Variants in LRRN1 observed in about 807,000 individuals in gnomAD.
The protein encoded by LRRN1 is leucine rich repeat neuronal 1.
A neutral mutation model predicts 45.8 loss-of-function variants in LRRN1; 14 were observed. The ratio of observed to expected loss-of-function variants is 0.31; its 90% CI spans 0.20 to 0.48. The LOEUF (loss-of-function observed/expected upper bound fraction) is 0.48, where lower values mean the gene tolerates loss of function less well. Among genes scored for constraint, LRRN1 ranks in the 20% least tolerant of loss-of-function variants. The pLI is 0.99. For missense variants in LRRN1, 789 were observed against 874.2 expected, an observed-to-expected ratio of 0.90 and a Z score of 1.23; for synonymous variants, 359 against 330.1, an observed-to-expected ratio of 1.09 and a Z score of -0.95.
intron 1 of LRRN1, among the ~76,000 whole-genome samples, chr3:3,825,457 T>G (rs1375274096): frequency 6.6e-6 from 1 of 152,224 alleles, no homozygotes; most frequent in Non-Finnish European, 1.5e-5. Flanking sequence ...CTAGTACATT[T>G]ATATCACCAG....
intron 1 of LRRN1, among the ~76,000 whole-genome samples, chr3:3,839,255 A>C (rs566429892): frequency 1.4e-4 from 22 of 152,114 alleles, no homozygotes; most frequent in Non-Finnish European, 2.8e-4. Flanking sequence ...TTGTTGAAGA[A>C]ACTGTCCTTT....
intron 1 of LRRN1, among the ~76,000 whole-genome samples, chr3:3,830,008 G>T (rs1405234404): frequency 6.6e-6 from 1 of 152,196 alleles, no homozygotes. Context: ...TCTGGAGCCA[G>T]GTCAGCCTTG....
chr3:3,840,913 C>G (rs1368375560), intron 1 of LRRN1, among the ~76,000 whole-genome samples: 1 of 152,202 alleles, frequency 6.6e-6, no homozygotes, highest in African/African-American at 2.4e-5. Context: ...AAGGCTATTT[C>G]TCAATACTAA....
chr3:3,845,098 A>C lies in LRRN1; in HGVS notation c.457A>C (p.Asn153His). 6.2e-7 allele frequency: 1 copy of C among 1,614,156 alleles called. No homozygotes were observed. The change falls in exon 2 of 2, where the codon AAC (asparagine) becomes CAC (histidine). Residue 153 changes from asparagine to histidine, a missense_variant. Asn to His is a moderately conservative substitution (Grantham distance 68). Coordinates refer to ENST00000319331, the MANE Select transcript of LRRN1 (RefSeq NM_020873.7). The surrounding 1 kb of genome is among the most constrained non-coding windows in gnomAD (Gnocchi z 6.5). ...CCTTCAAGAACTCTACATCAACCAC[A>C]ACCAAATTAGCACTATTTCTGCTCA... ...SNLQELYINHNQISTISAHAF... is the reference protein window; with the variant it reads ...SNLQELYINHHQISTISAHAF...
At chr3:3,834,559 AT>A (rs1413050679) in intron 1 of LRRN1, among the ~76,000 whole-genome samples, 1 of 118,682 alleles carries the variant, frequency 8.4e-6, no homozygotes, top group Non-Finnish European at 1.8e-5. Flanking sequence ...TATATGATAT[AT>A]ATATTATTAT....
At chr3:3,807,340 T>C (rs188480144) in intron 1 of LRRN1, among the ~76,000 whole-genome samples, 12 of 152,332 alleles carry the variant, frequency 7.9e-5, no homozygotes, top group African/African-American at 2.4e-4. Context: ...GATGTTATAG[T>C]GGTATCATTT....
intron 1 of LRRN1, among the ~76,000 whole-genome samples, chr3:3,834,525 G>GATATATATATATATATATATATATATATT: frequency 3.7e-5 from 1 of 27,328 alleles, no homozygotes; most frequent in South Asian, 1.0e-3. Flanking sequence ...GACAGAACAG[G>GATATATATATATATATATATATATATATT]ATATATATAT....
rs1692990792 is a variant in LRRN1 at position 3,816,637 on chromosome 3, G to A, written c.-279+16718G>A. Reference sequence around the variant, plus strand: ...CACCCTTATTAAAGGCAAAAATATAGGTATTACAATTTGAAACTATAAAAG... The same window carrying A: ...CACCCTTATTAAAGGCAAAAATATAAGTATTACAATTTGAAACTATAAAAG... On this transcript the variant is annotated intron_variant, in intron 1 of 1. Transcript: ENST00000319331. The surrounding 1 kb of genome is among the most constrained non-coding windows in gnomAD (Gnocchi z 4.0). 6.6e-6 allele frequency among the ~76,000 whole-genome samples: 1 copy of A among 152,074 alleles called. No homozygotes were observed. Among genetic ancestry groups the A allele is most frequent in the Admixed American group, 6.6e-5 (1 of 15,258 alleles).
rs149996240 is a variant in LRRN1 at position 3,844,683 on chromosome 3, G to T, written c.42G>T (p.Val14=). 7.4e-6 allele frequency: 12 copies of T among 1,613,932 alleles called. No homozygotes were observed. The African/African-American group carries it at 9.3e-5, about 13-fold the overall frequency. Residue 14 remains valine, a synonymous_variant, in exon 2 of 2, where the codon GTG becomes GTT. Coordinates refer to ENST00000319331, the MANE Select transcript of LRRN1 (RefSeq NM_020873.7). The part of the protein sequence containing the change: ...MSFVIAACQL[V]LGLLMTSLTE... ...TTGTTATAGCAGCTTGCCAATTGGT[G>T]CTGGGCCTACTAATGACTTCATTAA...
At chr3:3,807,094 AC>A (rs1243193977) in intron 1 of LRRN1, among the ~76,000 whole-genome samples, 1 of 152,204 alleles carries the variant, frequency 6.6e-6, no homozygotes, top group Non-Finnish European at 1.5e-5. Flanking sequence ...GCAAGGACCT[AC>A]GATGCATCGG....
intron 1 of LRRN1, among the ~76,000 whole-genome samples, chr3:3,824,364 C>A (rs1031276509): frequency 6.6e-6 from 1 of 152,068 alleles, no homozygotes; most frequent in Admixed American, 6.6e-5. Flanking sequence ...AATTTCTATG[C>A]CCTCATAGAC....
At chr3:3,820,310 T>C (rs890322866) in intron 1 of LRRN1, among the ~76,000 whole-genome samples, 1 of 152,216 alleles carries the variant, frequency 6.6e-6, no homozygotes, top group Non-Finnish European at 1.5e-5. Context: ...TTCGAGTACC[T>C]GCTCTAGGGC....
intron 1 of LRRN1, among the ~76,000 whole-genome samples, chr3:3,817,635 A>T (rs556570147): frequency 6.6e-6 from 1 of 152,158 alleles, no homozygotes; most frequent in Non-Finnish European, 1.5e-5. Context: ...CAGGCTCTTT[A>T]GAGAAATATC....
chr3:3,800,611 AC>A (rs1559275024), intron 1 of LRRN1: 1 of 98,440 alleles, frequency 1.0e-5, no homozygotes, highest in Non-Finnish European at 2.1e-5. Flanking sequence ...CTTGAGCTCC[AC>A]GCGGGGACAG....
In LRRN1 at chr3:3,799,474, T is replaced by A. The variant is rs1164916658; in HGVS notation, c.-724T>A. 1 of 151,010 alleles carries A rather than the reference T, an allele frequency of 6.6e-6. No individual in the cohort carries two copies. The highest frequency in any genetic ancestry group is 2.0e-4 in the East Asian group (1 of 5,124). The allele number at this position is 151,010 out of a possible 1,614,324, so 9.4% of individuals were successfully genotyped here. Reference sequence around the variant, plus strand: ...ACCGCGGGCGCCGGCAACGAGCCGGTGAACGAGGCGAGGCCCGTGCGCCCG... The same window carrying A: ...ACCGCGGGCGCCGGCAACGAGCCGGAGAACGAGGCGAGGCCCGTGCGCCCG... On this transcript the variant is annotated 5_prime_UTR_variant, in exon 1 of 2. Transcript: ENST00000319331.
At position 3,816,424 on chromosome 3, in the gene LRRN1, A is replaced by T. The variant is rs958696499; in HGVS notation, c.-279+16505A>T. Among the ~76,000 whole-genome samples the T allele has an allele frequency of 2.6e-5, 4 of 152,210 alleles. No homozygotes were observed. Among genetic ancestry groups the T allele is most frequent in the African/African-American group, 9.6e-5 (4 of 41,456 alleles). ...CTGATTTTAATTTACCAAAACAATT[A>T]AAAAACCTGATTAACAGAAATCCTA... On this transcript the variant is annotated intron_variant, in intron 1 of 1. Transcript: ENST00000319331. The surrounding 1 kb of genome is among the most constrained non-coding windows in gnomAD (Gnocchi z 4.0).
In LRRN1 at chr3:3,845,561, C is replaced by G. The variant is rs769670643; in HGVS notation, c.920C>G (p.Ala307Gly). The G allele has an allele frequency of 6.2e-7, 1 of 1,614,056 alleles. No individual in the cohort carries two copies. The highest frequency in any genetic ancestry group is 8.5e-7 in the Non-Finnish European group (1 of 1,180,024). The change falls in exon 2 of 2, where the codon GCC becomes GGC. Residue 307 changes from alanine to glycine, a missense_variant. By Grantham distance (60) the Ala-to-Gly change is moderately conservative (BLOSUM62 0). Transcript: ENST00000319331. This position sits in a 1 kb window ranked among gnomAD's most constrained non-coding sequence, Gnocchi z 6.5. Reference sequence around the variant, plus strand: ...GAGCTCGTTTCTGTCGACCGCTATGCCCTGGATAACTTGCCTGAACTCACA... The same window carrying G: ...GAGCTCGTTTCTGTCGACCGCTATGGCCTGGATAACTTGCCTGAACTCACA... The part of the protein sequence containing the change: ...MGELVSVDRY[A>G]LDNLPELTKL...
rs1693451002 is a variant in LRRN1, at chr3:3,834,530, A to ATATATATATATATATAT, written c.-278-9833_-278-9817dup. 2.0e-5 allele frequency among the ~76,000 whole-genome samples: 2 copies of ATATATATATATATATAT among 98,856 alleles called. 1 individual carries two copies. The highest frequency in any genetic ancestry group is 4.2e-5 in the Non-Finnish European group (2 of 47,846). 64.9% of individuals were successfully genotyped at this position (98,856 alleles called of 152,430 possible). ...CTCTTAGAGGGACAGAACAGGATAT[A>ATATATATATATATATAT]TATATATATATATATATATATATGA... On this transcript the variant is annotated intron_variant, in intron 1 of 1. Transcript: ENST00000319331.
chr3:3,811,818 G>C (rs1351828012), intron 1 of LRRN1, among the ~76,000 whole-genome samples: 2 of 152,174 alleles, frequency 1.3e-5, no homozygotes, highest in African/African-American at 4.8e-5. Context: ...CAGACTCATT[G>C]GGGAGGTAGA....
Sources: allele counts gnomAD v4.1 joint callset (sites outside exome capture counted in the v4.1 genomes callset), GRCh38; gene constraint gnomAD v4.1.1; non-coding constraint Gnocchi (gnomAD v3.1); transcripts MANE v1.5; gene names NCBI Gene and HGNC (gene_info 2026-07-23, HGNC 2026-07-21).